The following TMEM71 variants were observed in gnomAD, a reference collection of about 807,000 sequenced individuals.
The protein encoded by TMEM71 is transmembrane protein 71.
TMEM71 carries 44 observed loss-of-function variants against 38.0 expected under a neutral mutation model. The observed-to-expected ratio is 1.16, with a 90% CI of 0.91 to 1.49. The LOEUF (loss-of-function observed/expected upper bound fraction) is 1.49, where lower values mean the gene tolerates loss of function less well. Among genes scored for constraint, TMEM71 ranks in the 40% most tolerant of loss-of-function variants. The pLI, the probability that TMEM71 is intolerant of heterozygous loss-of-function variation, is 0.00. For missense variants in TMEM71, 367 were observed against 348.6 expected (o/e 1.05, Z -0.42); for synonymous variants, 133 against 122.5 (o/e 1.09, Z -0.56).
intron 6 of TMEM71, 79 bp downstream of exon 6, chr8:132,727,719 A>G: frequency 7.7e-7 from 1 of 1,303,504 alleles, no homozygotes; most frequent in African/African-American, 1.5e-5. Flanking sequence ...ACTGCATTTT[A>G]GTCATCTCCA....
At chr8:132,736,477 G>A (rs1827752157) in intron 5 of TMEM71, among the ~76,000 whole-genome samples, 1 of 152,104 alleles carries the variant, frequency 6.6e-6, no homozygotes, top group Admixed American at 6.5e-5. Context: ...AAATGTTCTG[G>A]AAATCTATCC....
intron 5 of TMEM71, among the ~76,000 whole-genome samples, chr8:132,736,747 C>G (rs568257584): frequency 6.6e-6 from 1 of 152,112 alleles, no homozygotes; most frequent in East Asian, 1.9e-4. Flanking sequence ...AGGAGAATTG[C>G]TTGAGCCCAC....
upstream of TMEM71, among the ~76,000 whole-genome samples, chr8:132,765,368 A>G (rs530867510): frequency 6.6e-6 from 1 of 152,344 alleles, no homozygotes; most frequent in South Asian, 2.1e-4. Flanking sequence ...CAGTCCCTGC[A>G]GATCACTTCC....
Position 132,757,222 on chromosome 8 carries a change from C to G in TMEM71, c.101+12G>C. Reference sequence around the variant, plus strand: ...GAATGATTATTTTTTTAAAAGAAGCCCCATAGTATACCTTGGGAAAATGCA... The same window carrying G: ...GAATGATTATTTTTTTAAAAGAAGCGCCATAGTATACCTTGGGAAAATGCA... On this transcript the variant is annotated intron_variant, in intron 3 of 9. Transcript: ENST00000677595. 1.2e-6 allele frequency: 2 copies of G among 1,601,570 alleles called. No individual in the cohort carries two copies. Among genetic ancestry groups the G allele is most frequent in the Non-Finnish European group, 1.7e-6 (2 of 1,170,420 alleles).
downstream of TMEM71, among the ~76,000 whole-genome samples, chr8:132,707,083 A>G (rs933695304): frequency 1.1e-4 from 16 of 152,238 alleles, no homozygotes; most frequent in African/African-American, 3.9e-4. Context: ...TACAAGACAA[A>G]TGATGCAGTT....
intron 5 of TMEM71, among the ~76,000 whole-genome samples, chr8:132,744,785 T>C (rs1828243353): frequency 6.6e-6 from 1 of 151,996 alleles, no homozygotes; most frequent in Non-Finnish European, 1.5e-5. Context: ...AAATATACCA[T>C]AAGGCAATAG....
intron 5 of TMEM71, among the ~76,000 whole-genome samples, chr8:132,742,101 G>A (rs1000497958): frequency 6.6e-6 from 1 of 152,162 alleles, no homozygotes; most frequent in African/African-American, 2.4e-5. Context: ...TCTCTGTATG[G>A]CCTGGTTTTT....
chr8:132,746,438 T>C (rs1257108182), intron 5 of TMEM71, among the ~76,000 whole-genome samples: 17 of 16,130 alleles, frequency 1.1e-3, no homozygotes, highest in African/African-American at 2.0e-3. Flanking sequence ...CATATATATA[T>C]ACATATACAT....
chr8:132,732,833 A>G (rs1217647840), intron 5 of TMEM71, among the ~76,000 whole-genome samples: 1 of 152,158 alleles, frequency 6.6e-6, no homozygotes, highest in Non-Finnish European at 1.5e-5. Flanking sequence ...CATCTACTGA[A>G]CAGAGGCCAG....
At chr8:132,729,262 T>G (rs1407385043) in intron 5 of TMEM71, among the ~76,000 whole-genome samples, 1 of 152,188 alleles carries the variant, frequency 6.6e-6, no homozygotes, top group East Asian at 1.9e-4. Context: ...TTGGAAAGGA[T>G]GAATGTGTTA....
At chr8:132,762,006 A>G (rs1829305154), upstream of TMEM71, among the ~76,000 whole-genome samples, 1 of 152,218 alleles carries the variant, frequency 6.6e-6, no homozygotes, top group Admixed American at 6.5e-5. Flanking sequence ...CCAGAAGCAG[A>G]CAACCCAGGC....
intron 5 of TMEM71, among the ~76,000 whole-genome samples, chr8:132,742,344 C>T (rs1281533737): frequency 2.6e-5 from 4 of 152,206 alleles, no homozygotes; most frequent in Non-Finnish European, 5.9e-5. Context: ...CACTGCACTC[C>T]AGCCTGGGTG....
At chr8:132,756,442 T>TATAG (rs1829023877) in intron 3 of TMEM71, among the ~76,000 whole-genome samples, 1 of 139,840 alleles carries the variant, frequency 7.2e-6, no homozygotes, top group African/African-American at 2.6e-5. Flanking sequence ...TATATATATA[T>TATAG]TCATTATTCT....
intron 6 of TMEM71, among the ~76,000 whole-genome samples, chr8:132,723,326 G>A (rs1826954497): frequency 6.6e-6 from 1 of 152,190 alleles, no homozygotes; most frequent in South Asian, 2.1e-4. Flanking sequence ...AACAAATCTA[G>A]CTTGAAAAAC....
chr8:132,757,424 C>T, intron 2 of TMEM71, 130 bp from the exon 3 acceptor site: 1 of 623,994 alleles, frequency 1.6e-6, no homozygotes, highest in Non-Finnish European at 2.9e-6. Context: ...AGCTGATGTT[C>T]CAGCTTCAGC....
the TMEM71 span, among the ~76,000 whole-genome samples, chr8:132,771,264 A>G: frequency 6.6e-6 from 1 of 152,162 alleles, no homozygotes; most frequent in African/African-American, 2.4e-5. Flanking sequence ...TGGTATAATT[A>G]TTAATAGCCC....
chr8:132,773,982 T>C, the TMEM71 span, among the ~76,000 whole-genome samples: 1 of 152,214 alleles, frequency 6.6e-6, no homozygotes. Context: ...TGGTTCATCA[T>C]AATCTGTCTA....
chr8:132,705,854 T>G (rs1826088745), downstream of TMEM71, among the ~76,000 whole-genome samples: 1 of 152,148 alleles, frequency 6.6e-6, no homozygotes, highest in South Asian at 2.1e-4. Flanking sequence ...TCTCTAAAAT[T>G]TATTAGGCAT....
chr8:132,745,612 T>C (rs754157223), intron 5 of TMEM71, among the ~76,000 whole-genome samples: 15 of 152,122 alleles, frequency 9.9e-5, no homozygotes, highest in Admixed American at 1.3e-4. Context: ...TGGAAAGCAG[T>C]TTGGAAATTT....
Sources: allele counts gnomAD v4.1 joint callset (sites outside exome capture counted in the v4.1 genomes callset), GRCh38; gene constraint gnomAD v4.1.1; transcripts MANE v1.5; gene names NCBI Gene and HGNC (gene_info 2026-07-23, HGNC 2026-07-21).